The following ABHD4 variants were observed in gnomAD, a reference collection of about 807,000 sequenced individuals.
The protein encoded by ABHD4 is abhydrolase domain containing 4, N-acyl phospholipase B.
Under a neutral mutation model 42.3 loss-of-function variants are expected in ABHD4, and 35 were observed. That is an observed-to-expected ratio of 0.83 (90% CI 0.63 to 1.10). ABHD4 has a LOEUF of 1.10. Among genes scored for constraint, ABHD4 ranks in the 50% least tolerant of loss-of-function variants. The pLI is 0.00. For missense variants in ABHD4, 389 were observed against 454.8 expected, an observed-to-expected ratio of 0.86 and a Z score of 1.32; for synonymous variants, 169 against 170.6, an observed-to-expected ratio of 0.99 and a Z score of 0.07.
At chr14:22,601,066 T>C (rs1209895852) in intron 1 of ABHD4, among the ~76,000 whole-genome samples, 1 of 152,158 alleles carries the variant, frequency 6.6e-6, no homozygotes, top group Non-Finnish European at 1.5e-5. Flanking sequence ...CAGTGAACCA[T>C]AACAGAACTT....
intron 3 of ABHD4, 64 bp downstream of exon 3, chr14:22,603,826 A>G: frequency 6.3e-7 from 1 of 1,576,098 alleles, no homozygotes; most frequent in South Asian, 1.2e-5. Context: ...ACTTTCCAGT[A>G]TTCATTTCCA....
At chr14:22,608,189 G>A (rs891592396) in intron 5 of ABHD4, among the ~76,000 whole-genome samples, 1 of 152,186 alleles carries the variant, frequency 6.6e-6, no homozygotes, top group African/African-American at 2.4e-5. Context: ...CTGCCGTGCT[G>A]CAGTATCTTA....
chr14:22,610,637 C>G (rs1305040632), intron 6 of ABHD4, among the ~76,000 whole-genome samples: 1 of 152,124 alleles, frequency 6.6e-6, no homozygotes, highest in Non-Finnish European at 1.5e-5. Flanking sequence ...GGGGCTAACA[C>G]AGAAGGAAAG....
rs1049547002 is a variant in ABHD4, at chr14:22,609,924, C to T, written c.939+14C>T. ...GTCCGAGACATGGTATGTTGCACCA[C>T]CCAAGGAGTGGAAATGATGACTGAG... On this transcript the variant is annotated intron_variant, in intron 6 of 6. Transcript: ENST00000428304. 4 of 1,611,586 alleles carry T rather than the reference C, an allele frequency of 2.5e-6. No homozygotes were observed. The highest frequency in any genetic ancestry group is 3.4e-6 in the Non-Finnish European group (4 of 1,178,782).
chr14:22,603,302 A>C, intron 2 of ABHD4, 88 bp from the exon 3 acceptor site: 2 of 1,528,612 alleles, frequency 1.3e-6, no homozygotes, highest in Non-Finnish European at 1.8e-6. Flanking sequence ...TCGGGAATGG[A>C]GAGAATGTGA....
At chr14:22,607,436 C>T (rs1489123441) in intron 5 of ABHD4, among the ~76,000 whole-genome samples, 2 of 152,170 alleles carry the variant, frequency 1.3e-5, no homozygotes, top group South Asian at 2.1e-4. Flanking sequence ...GTCCAAGTCA[C>T]TTGTTGGGAG....
chr14:22,600,252 T>A, intron 1 of ABHD4: 1 of 449,500 alleles, frequency 2.2e-6, no homozygotes, highest in Middle Eastern at 3.3e-4. Flanking sequence ...ACACCTCCCT[T>A]GAGAAAACAG....
chr14:22,602,797 A>AAAAAGTGAT (rs553358295), intron 2 of ABHD4, among the ~76,000 whole-genome samples: 118 of 152,340 alleles, frequency 7.7e-4, no homozygotes, highest in Non-Finnish European at 1.5e-3. Flanking sequence ...AGTGTTAAAG[A>AAAAAGTGAT]AAAAGTGATT....
Position 22,603,470 on chromosome 14 carries a change from C to G in ABHD4, c.193C>G (p.Gln65Glu). The G allele has an allele frequency of 1.2e-6, 2 of 1,613,580 alleles. No homozygotes were observed. Among genetic ancestry groups the G allele is most frequent in the Non-Finnish European group, 1.7e-6 (2 of 1,179,606 alleles). ...KIWTVTVSPE[Q>E]NDRTPLVMVH... Reference sequence around the variant, plus strand: ...CTGGACGGTGACTGTGAGCCCCGAGCAAAACGACCGCACCCCCTTGGTGAT... The same window carrying G: ...CTGGACGGTGACTGTGAGCCCCGAGGAAAACGACCGCACCCCCTTGGTGAT... Residue 65 changes from glutamine to glutamate, a missense_variant, in exon 3 of 7, where the codon CAA becomes GAA. Physicochemically the swap from Gln to Glu is conservative, Grantham distance 29 (BLOSUM62 2). This residue lies in a region of ABHD4 where 102 missense variants were observed against 128.3 expected (regional missense o/e 0.80). Coordinates refer to ENST00000428304, the MANE Select transcript of ABHD4 (RefSeq NM_022060.3).
chr14:22,605,865 A>AGTC (rs2037343481), intron 4 of ABHD4: 1 of 1,279,624 alleles, frequency 7.8e-7, no homozygotes, highest in South Asian at 1.2e-5. Flanking sequence ...CTGTTGTTGC[A>AGTC]TGTATGTATA....
chr14:22,604,564 A>AT (rs71778300), intron 4 of ABHD4, among the ~76,000 whole-genome samples: 100,201 of 151,488 alleles, frequency 0.66, 34,243 homozygotes, highest in African/African-American at 0.82. Context: ...TGTTTTTTGT[A>AT]TTTTTTCTCT....
intron 1 of ABHD4, 182 bp downstream of exon 1, chr14:22,598,511 C>T (rs1188999451): frequency 6.6e-7 from 1 of 1,525,222 alleles, no homozygotes; most frequent in Non-Finnish European, 8.8e-7. Flanking sequence ...GAGGCAGCGG[C>T]TGAGCCTGGG....
At chr14:22,601,584 T>C in intron 1 of ABHD4, 83 bp from the exon 2 acceptor site, 4 of 1,349,926 alleles carry the variant, frequency 3.0e-6, no homozygotes, top group Non-Finnish European at 4.2e-6. Flanking sequence ...TCCTGAGAAC[T>C]CTTTTGTAAC....
At chr14:22,601,440 T>C (rs995467082) in intron 1 of ABHD4, among the ~76,000 whole-genome samples, 2 of 152,224 alleles carry the variant, frequency 1.3e-5, no homozygotes, top group African/African-American at 4.8e-5. Flanking sequence ...ATATACAGGA[T>C]GTTCTGAATA....
intron 6 of ABHD4, 52 bp downstream of exon 6, chr14:22,609,962 C>G: frequency 6.3e-7 from 1 of 1,574,900 alleles, no homozygotes; most frequent in South Asian, 1.1e-5. Flanking sequence ...TCAATCACCT[C>G]TCAGCCTTGG....
chr14:22,602,287 C>T (rs908747237), intron 2 of ABHD4, among the ~76,000 whole-genome samples: 4 of 152,182 alleles, frequency 2.6e-5, no homozygotes, highest in Non-Finnish European at 4.4e-5. Flanking sequence ...ATCCCACTAG[C>T]GGCAGCAGCC....
intron 6 of ABHD4, among the ~76,000 whole-genome samples, chr14:22,610,468 G>A (rs576828040): frequency 3.3e-5 from 5 of 152,302 alleles, no homozygotes. Flanking sequence ...GGGCAGTAGA[G>A]TGAATAGTAG....
At chr14:22,604,510 G>T (rs986381651) in intron 4 of ABHD4, among the ~76,000 whole-genome samples, 12 of 152,190 alleles carry the variant, frequency 7.9e-5, no homozygotes, top group Non-Finnish European at 1.6e-4. Context: ...GCCTCCCGAA[G>T]TGCTGGGATT....
At position 22,603,557 on chromosome 14, in the gene ABHD4, C is replaced by T. The variant is rs753882592; in HGVS notation, c.280C>T (p.Arg94Cys). 15 of 1,614,112 alleles carry T rather than the reference C, an allele frequency of 9.3e-6. No homozygotes were observed. The East Asian group carries it at 2.0e-4, about 22-fold the overall frequency. Residue 94 changes from arginine (R) to cysteine (C), a missense_variant, in exon 3 of 7, where the codon CGC becomes TGC. Coordinates refer to ENST00000428304, the MANE Select transcript of ABHD4 (RefSeq NM_022060.3). ...CCTCAACATGGACTCACTGAGTGCC[C>T]GCCGCACACTGCACACCTTCGATCT... is the stretch of plus-strand genomic sequence containing the variant. ...WILNMDSLSA[R>C]RTLHTFDLLG... is the part of the protein sequence containing the mutation.
Sources: allele counts gnomAD v4.1 joint callset (sites outside exome capture counted in the v4.1 genomes callset), GRCh38; gene constraint gnomAD v4.1.1; regional missense constraint gnomAD v4.1.1; transcripts MANE v1.5; gene names NCBI Gene and HGNC (gene_info 2026-07-23, HGNC 2026-07-21).